Variants in PEX11B observed in about 807,000 individuals in gnomAD.
PEX11B encodes peroxisomal biogenesis factor 11 beta, also known as peroxisomal membrane protein 11B.
A neutral mutation model predicts 28.2 loss-of-function variants in PEX11B; 18 were observed. The ratio of observed to expected loss-of-function variants is 0.64; its 90% CI spans 0.44 to 0.95. The LOEUF (loss-of-function observed/expected upper bound fraction) is 0.95, where lower values mean the gene tolerates loss of function less well. Among genes scored for constraint, PEX11B ranks in the 40% least tolerant of loss-of-function variants. The pLI is 0.00. For missense variants in PEX11B, 305 were observed against 319.8 expected, an observed-to-expected ratio of 0.95 and a Z score of 0.35; for synonymous variants, 128 against 128.7, an observed-to-expected ratio of 0.99 and a Z score of 0.04.
chr1:145,916,772 T>A, intron 3 of PEX11B, 45 bp downstream of exon 3: 9 of 1,323,532 alleles, frequency 6.8e-6, no homozygotes, highest in Non-Finnish European at 9.8e-6. Context: ...CTATGCAATA[T>A]AGAGGCTACA....
At position 145,911,601 on chromosome 1, in the gene PEX11B, G is replaced by T; in HGVS notation, c.*560C>A. On this transcript the variant is annotated 3_prime_UTR_variant, in exon 4 of 4. Coordinates refer to ENST00000369306, the MANE Select transcript of PEX11B (RefSeq NM_003846.3). ...GGGCCAAATGATGAGCGAGGTTGGT[G>T]AGGTAGACATAAGGGAGGAAGAGGA... 1 of 169,920 alleles carries T rather than the reference G, an allele frequency of 5.9e-6. No individual in the cohort carries two copies. Among genetic ancestry groups the T allele is most frequent in the Non-Finnish European group, 1.3e-5 (1 of 77,304 alleles). The allele number at this position is 169,920 out of a possible 1,614,324, so 10.5% of individuals were successfully genotyped here. A position where few individuals can be genotyped will look rare whatever the true frequency, so the allele number is the denominator to read the frequency against.
At chr1:145,917,962 C>A (rs1379989685) in intron 1 of PEX11B, 146 bp from the exon 2 acceptor site, 2 of 1,435,338 alleles carry the variant, frequency 1.4e-6, no homozygotes, top group African/African-American at 1.4e-5. Context: ...CACCATTTCT[C>A]CAGGCCAGAG....
chr1:145,918,315 C>A (rs1647528237), intron 1 of PEX11B: 2 of 1,496,200 alleles, frequency 1.3e-6, no homozygotes, highest in East Asian at 4.9e-5. Flanking sequence ...GGGGCAGAGT[C>A]TGGGGCTATC....
chr1:145,913,597 A>ACG (rs1657900180), intron 3 of PEX11B, among the ~76,000 whole-genome samples: 1 of 128,010 alleles, frequency 7.8e-6, no homozygotes, highest in Non-Finnish European at 1.5e-5. Flanking sequence ...TTGGCAACAC[A>ACG]CACACACACA....
chr1:145,918,550 T>G, intron 1 of PEX11B, 83 bp downstream of exon 1: 1 of 1,549,040 alleles, frequency 6.5e-7, no homozygotes, highest in Non-Finnish European at 8.7e-7. Context: ...GACCCCCCTG[T>G]AGCCTAAACT....
intron 3 of PEX11B, among the ~76,000 whole-genome samples, chr1:145,915,913 G>T (rs1032750107): frequency 1.3e-5 from 2 of 152,072 alleles, no homozygotes; most frequent in Non-Finnish European, 2.9e-5. Context: ...GATTACAGGC[G>T]TGAGCCACTG....
intron 1 of PEX11B, 123 bp from the exon 2 acceptor site, chr1:145,917,939 C>A: frequency 7.1e-7 from 1 of 1,410,378 alleles, no homozygotes; most frequent in Non-Finnish European, 9.5e-7. Flanking sequence ...CTTCCTCCTC[C>A]ATGCCCATAT....
At chr1:145,918,556 A>G in intron 1 of PEX11B, 77 bp downstream of exon 1, 3 of 1,551,458 alleles carry the variant, frequency 1.9e-6, no homozygotes, top group Non-Finnish European at 2.6e-6. Flanking sequence ...CCTGTAGCCT[A>G]AACTGACTTC....
At chr1:145,917,248 T>C (rs1273463518) in intron 2 of PEX11B, among the ~76,000 whole-genome samples, 1 of 152,068 alleles carries the variant, frequency 6.6e-6, no homozygotes, top group Non-Finnish European at 1.5e-5. Flanking sequence ...CTGGCCAACA[T>C]GGTGTAACCC....
rs1036892634 is a variant in PEX11B at position 145,917,700 on chromosome 1, C to T, written c.172+1G>A. On this transcript the variant is annotated splice_donor_variant, in intron 2 of 3. Transcript: ENST00000369306. LOFTEE classifies it high-confidence loss of function. ...ATAAAAGGAAAGACAGAGTTACTTACGCTTTCTTCCAAGGCTCAGGTGGCT... is the reference window on the plus strand; with the variant it reads ...ATAAAAGGAAAGACAGAGTTACTTATGCTTTCTTCCAAGGCTCAGGTGGCT... 13 of 1,541,456 alleles carry T rather than the reference C, an allele frequency of 8.4e-6. No individual in the cohort carries two copies. Among genetic ancestry groups the T allele is most frequent in the South Asian group, 4.5e-5 (4 of 89,620 alleles).
At chr1:145,915,444 A>G (rs1402301767) in intron 3 of PEX11B, among the ~76,000 whole-genome samples, 1 of 152,140 alleles carries the variant, frequency 6.6e-6, no homozygotes, top group African/African-American at 2.4e-5. Flanking sequence ...AATATAATGA[A>G]AAAGTACAAT....
In PEX11B at chr1:145,918,708, C is replaced by T. The variant is rs782560936; in HGVS notation, c.-20G>A. The T allele has an allele frequency of 6.4e-6, 10 of 1,562,320 alleles. No homozygotes were observed. Among genetic ancestry groups the T allele is most frequent in the South Asian group, 1.2e-5 (1 of 85,020 alleles). ...GTCCATGACAGCCGCAGCCCAGGCT[C>T]CGCGGCCCTGCTCCCGCCCCACTTC... On this transcript the variant is annotated 5_prime_UTR_variant, in exon 1 of 4. Coordinates refer to ENST00000369306, the MANE Select transcript of PEX11B (RefSeq NM_003846.3).
rs4471211 is a variant in PEX11B, at chr1:145,917,528, G to A, written c.172+173C>T. Among the ~76,000 whole-genome samples the A allele has an allele frequency of 0.36, 54,587 of 151,996 alleles. 11,765 individuals are homozygous for A. The highest frequency in any genetic ancestry group is 0.48 in the Non-Finnish European group (32,346 of 67,964). On this transcript the variant is annotated intron_variant, in intron 2 of 3. Transcript: ENST00000369306. ...AAACTTGACCCATTCTCTCCAGTCC[G>A]CCTAATTACTTCCATACCCCTGCTC...
At chr1:145,913,634 A>ATC (rs138885170) in intron 3 of PEX11B, among the ~76,000 whole-genome samples, 13,658 of 146,402 alleles carry the variant, frequency 0.093, 1,951 homozygotes, top group African/African-American at 0.31. Context: ...CACACTCTCC[A>ATC]TCTCTCTCTC....
chr1:145,915,555 C>T (rs1259538223), intron 3 of PEX11B, among the ~76,000 whole-genome samples: 7 of 152,120 alleles, frequency 4.6e-5, no homozygotes, highest in Non-Finnish European at 1.5e-5. Context: ...TTTGTCCAAG[C>T]CAACGTCATC....
At chr1:145,917,288 C>T (rs1337886057) in intron 2 of PEX11B, among the ~76,000 whole-genome samples, 6 of 151,886 alleles carry the variant, frequency 4.0e-5, no homozygotes, top group East Asian at 3.9e-4. Flanking sequence ...AAAATTAGCC[C>T]GGCATGGTGG....
intron 3 of PEX11B, among the ~76,000 whole-genome samples, chr1:145,912,850 G>A (rs1297562942): frequency 1.3e-5 from 2 of 152,288 alleles, no homozygotes; most frequent in Non-Finnish European, 2.9e-5. Flanking sequence ...CACTTTGGGA[G>A]GCCAAGGCAG....
rs148773788 is a variant in PEX11B at position 145,917,390 on chromosome 1, C to T, written c.172+311G>A. ...AGGTTGCAGTGAGCCAAGATTGCGC[C>T]ACTGCACTCTGACCTGGACGAGAGA... On this transcript the variant is annotated intron_variant, in intron 2 of 3. Transcript: ENST00000369306. 5.3e-3 allele frequency among the ~76,000 whole-genome samples: 800 copies of T among 152,236 alleles called. 6 individuals carry two copies. Among genetic ancestry groups the T allele is most frequent in the African/African-American group, 0.016 (681 of 41,540 alleles).
At position 145,912,156 on chromosome 1, in the gene PEX11B, G is replaced by T; in HGVS notation, c.*5C>A. On this transcript the variant is annotated 3_prime_UTR_variant, in exon 4 of 4. Transcript: ENST00000369306. ...CAGGTCCCCTCCTTATCCTGTACCG[G>T]AAGGTCAGGGCTTGAGTCGTAGCCA... The T allele has an allele frequency of 3.2e-6, 5 of 1,583,534 alleles. No individual in the cohort carries two copies. The highest frequency in any genetic ancestry group is 4.3e-6 in the Non-Finnish European group (5 of 1,163,672).
Sources: allele counts gnomAD v4.1 joint callset (sites outside exome capture counted in the v4.1 genomes callset), GRCh38; gene constraint gnomAD v4.1.1; transcripts MANE v1.5; gene names NCBI Gene and HGNC (gene_info 2026-07-23, HGNC 2026-07-21).